The following KDM1A variants were observed in gnomAD, a reference collection of about 807,000 sequenced individuals.
The protein encoded by KDM1A is lysine demethylase 1A, also known as lysine-specific histone demethylase 1A.
Under a neutral mutation model 109.4 loss-of-function variants are expected in KDM1A, and 49 were observed. The observed-to-expected ratio is 0.45, with a 90% CI of 0.36 to 0.57. The LOEUF (loss-of-function observed/expected upper bound fraction) is 0.57. KDM1A is among the 20% of genes least tolerant of loss of function. The probability of loss-of-function intolerance (pLI) is 0.00; values close to 1 mark genes in which losing one functional copy is unlikely to be tolerated. For missense variants in KDM1A, 668 were observed against 1,116.6 expected, an observed-to-expected ratio of 0.60 and a Z score of 5.73; for synonymous variants, 380 against 415.4, an observed-to-expected ratio of 0.91 and a Z score of 1.04.
At chr1:23,068,741 ATGTTT>A in intron 11 of KDM1A, 60 bp downstream of exon 11, 1 of 1,357,024 alleles carries the variant, frequency 7.4e-7, no homozygotes, top group Non-Finnish European at 9.7e-7. Flanking sequence ...TTTGCTATTT[ATGTTT>A]TAAGTTTTTC....
chr1:23,082,561 AT>A (rs1331882484), intron 20 of KDM1A, 195 bp downstream of exon 20: 1 of 527,380 alleles, frequency 1.9e-6, no homozygotes, highest in Non-Finnish European at 3.3e-6. Context: ...GGCAGTCTAC[AT>A]TCAGAATGGA....
At position 23,063,197 on chromosome 1, in the gene KDM1A, G is replaced by GGGC. The variant is rs374128181; in HGVS notation, c.1168-2861_1168-2860insCGG. Among the ~76,000 whole-genome samples, 8 of 11,426 alleles carry GGGC rather than the reference G, an allele frequency of 7.0e-4. No individual in the cohort carries two copies. The Middle Eastern group carries it at 0.12, about 168-fold the overall frequency. The allele number at this position is 11,426 out of a possible 152,430, so 7.5% of individuals were successfully genotyped here. The stretch of plus-strand genomic sequence containing the variant: ...CAAATTCCCACAGTGCTGTAGCATT[G>GGGC]GGGGGGGGGTGTGGTGTGGGGTGGG... On this transcript the variant is annotated intron_variant, in intron 9 of 20. Coordinates refer to ENST00000400181, the MANE Select transcript of KDM1A (RefSeq NM_001009999.3).
At chr1:23,043,799 T>A (rs1442467961) in intron 2 of KDM1A, among the ~76,000 whole-genome samples, 1 of 152,250 alleles carries the variant, frequency 6.6e-6, no homozygotes, top group Admixed American at 6.5e-5. Flanking sequence ...CCTTTCTCTG[T>A]GTTACCACAA....
At position 23,019,844 on chromosome 1, in the gene KDM1A, C is replaced by T. The variant is rs1007413346; in HGVS notation, c.248C>T (p.Pro83Leu). ...GLAEPPGSAG[P>L]QAGPTVVPGS... ...GCGGAACCGCCGGGGTCCGCAGGGC[C>T]TCAGGCCGGCCCTACTGTCGTGCCT... The change falls in exon 1 of 21, where the codon CCT becomes CTT. Residue 83 changes from proline to leucine, a missense_variant. Transcript: ENST00000400181. The T allele has an allele frequency of 2.7e-6, 4 of 1,482,534 alleles. No individual in the cohort carries two copies. Among genetic ancestry groups the T allele is most frequent in the Non-Finnish European group, 3.6e-6 (4 of 1,119,560 alleles). 91.8% of individuals were successfully genotyped at this position (1,482,534 alleles called of 1,614,324 possible).
At chr1:23,074,594 A>G (rs1285252560) in intron 15 of KDM1A, among the ~76,000 whole-genome samples, 2 of 152,048 alleles carry the variant, frequency 1.3e-5, no homozygotes, top group Non-Finnish European at 2.9e-5. Flanking sequence ...CTTTTAAACC[A>G]TGTTCTTTTT....
At chr1:23,045,937 T>G (rs1642491016) in intron 3 of KDM1A, among the ~76,000 whole-genome samples, 1 of 152,198 alleles carries the variant, frequency 6.6e-6, no homozygotes, top group South Asian at 2.1e-4. Flanking sequence ...CATTCTTCTC[T>G]TAATGAAGCC....
intron 16 of KDM1A, among the ~76,000 whole-genome samples, chr1:23,078,269 A>C (rs1643523092): frequency 6.6e-6 from 1 of 152,232 alleles, no homozygotes; most frequent in East Asian, 1.9e-4. Flanking sequence ...TTTTGCAGGC[A>C]GACGGAGAAC....
intron 8 of KDM1A, 46 bp downstream of exon 8, chr1:23,057,611 CATAAA>C (rs1642869505): frequency 7.2e-7 from 1 of 1,396,050 alleles, no homozygotes; most frequent in Admixed American, 1.8e-5. Flanking sequence ...GTCTAAGACT[CATAAA>C]AGAAATTTAA....
chr1:23,030,759 C>A, intron 2 of KDM1A, 125 bp downstream of exon 2: 1 of 984,344 alleles, frequency 1.0e-6, no homozygotes, highest in South Asian at 1.8e-5. Flanking sequence ...GATATTGAGT[C>A]TCCTGCCATG....
At chr1:23,045,498 T>C (rs1375053428) in intron 3 of KDM1A, among the ~76,000 whole-genome samples, 2 of 152,222 alleles carry the variant, frequency 1.3e-5, no homozygotes, top group Non-Finnish European at 2.9e-5. Context: ...CATGGTTATC[T>C]TAGCAGAATT....
Position 23,079,966 on chromosome 1 carries a change from T to G in KDM1A, c.2170+299T>G, listed in dbSNP as rs1006825911. ...CCTGGAGGGATAGGCCCAGGGAGGCTTCCTACCAGGGGAAGCTTGCGTTCT... is the reference window on the plus strand; with the variant it reads ...CCTGGAGGGATAGGCCCAGGGAGGCGTCCTACCAGGGGAAGCTTGCGTTCT... On this transcript the variant is annotated intron_variant, in intron 18 of 20. Coordinates refer to ENST00000400181, the MANE Select transcript of KDM1A (RefSeq NM_001009999.3). The surrounding 1 kb of genome is among the most constrained non-coding windows in gnomAD (Gnocchi z 5.6). 1.3e-5 allele frequency among the ~76,000 whole-genome samples: 2 copies of G among 152,134 alleles called. No individual in the cohort carries two copies. Among genetic ancestry groups the G allele is most frequent in the African/African-American group, 4.8e-5 (2 of 41,418 alleles).
intron 15 of KDM1A, among the ~76,000 whole-genome samples, chr1:23,076,865 T>C (rs1039441392): frequency 2.6e-5 from 4 of 151,338 alleles, no homozygotes; most frequent in Non-Finnish European, 5.9e-5. Context: ...CTTGGGAGGC[T>C]GAGGCAAGAG....
At chr1:23,030,801 G>A (rs1480828728) in intron 2 of KDM1A, among the ~76,000 whole-genome samples, 167 bp downstream of exon 2, 1 of 152,032 alleles carries the variant, frequency 6.6e-6, no homozygotes, top group African/African-American at 2.4e-5. Flanking sequence ...ACATATACAT[G>A]TATATGTGTG....
At chr1:23,078,043 C>G (rs1643516075) in intron 16 of KDM1A, among the ~76,000 whole-genome samples, 1 of 152,208 alleles carries the variant, frequency 6.6e-6, no homozygotes, top group African/African-American at 2.4e-5. Context: ...AACTAGTCAT[C>G]TCCCTCTCTG....
intron 3 of KDM1A, among the ~76,000 whole-genome samples, chr1:23,048,064 A>G (rs1642553746): frequency 6.6e-6 from 1 of 152,244 alleles, no homozygotes; most frequent in South Asian, 2.1e-4. Flanking sequence ...GCTAAGGAAG[A>G]AAACTACCAT....
intron 9 of KDM1A, among the ~76,000 whole-genome samples, chr1:23,064,740 T>C (rs981697359): frequency 6.6e-6 from 1 of 152,176 alleles, no homozygotes; most frequent in African/African-American, 2.4e-5. Flanking sequence ...CACACAGGCT[T>C]CCCTTCCCCT....
intron 3 of KDM1A, among the ~76,000 whole-genome samples, chr1:23,047,046 A>G (rs1642521421): frequency 6.6e-6 from 1 of 152,206 alleles, no homozygotes. Context: ...TATTAAAATC[A>G]TTTGTATTCT....
intron 15 of KDM1A, 76 bp from the exon 16 acceptor site, chr1:23,077,149 ATTG>A (rs755066490): frequency 3.3e-5 from 44 of 1,350,226 alleles, no homozygotes; most frequent in Non-Finnish European, 4.0e-5. Context: ...TTGTGTTTTC[ATTG>A]TTGTTGTACA....
intron 9 of KDM1A, among the ~76,000 whole-genome samples, 179 bp from the exon 10 acceptor site, chr1:23,065,881 T>C (rs1643147263): frequency 6.6e-6 from 1 of 152,164 alleles, no homozygotes. Context: ...TCCCATTTGG[T>C]CTCTGTACAA....
Sources: gnomAD v4.1 joint callset for allele counts (sites outside exome capture counted in the v4.1 genomes callset) on GRCh38, gnomAD v4.1.1 for gene constraint, Gnocchi (gnomAD v3.1) non-coding constraint, MANE v1.5 for transcripts, NCBI Gene and HGNC (gene_info 2026-07-23, HGNC 2026-07-21) for gene names.